IP6K2: variants seen among roughly 807,000 people sequenced by gnomAD.
IP6K2 encodes the protein inositol hexakisphosphate kinase 2.
In IP6K2, 9 loss-of-function variants were observed where a neutral mutation model predicts 43.3. The observed-to-expected ratio is 0.21, with a 90% CI of 0.13 to 0.36. The LOEUF (loss-of-function observed/expected upper bound fraction) is 0.36, where lower values mean the gene tolerates loss of function less well. IP6K2 is among the 10% of genes least tolerant of loss of function. IP6K2 has a pLI of 1.00. For missense variants in IP6K2, 332 were observed against 538.4 expected (o/e 0.62, Z 3.79); for synonymous variants, 209 against 202.4 (o/e 1.03, Z -0.28).
At chr3:48,706,151 G>A (rs2079752073) in intron 1 of IP6K2, among the ~76,000 whole-genome samples, 1 of 152,006 alleles carries the variant, frequency 6.6e-6, no homozygotes. Flanking sequence ...AGGTTGCAGT[G>A]AGCCGAGACT....
chr3:48,714,327 G>A (rs776889919), intron 1 of IP6K2, among the ~76,000 whole-genome samples: 23 of 151,616 alleles, frequency 1.5e-4, no homozygotes, highest in Non-Finnish European at 3.1e-4. Flanking sequence ...TCGGCCTCCC[G>A]AAGCGTTGGT....
Position 48,695,037 on chromosome 3 carries a change from A to ATCTCTCACATCTCC in IP6K2, c.202+39_202+52dup. 6.2e-7 allele frequency: 1 copy of ATCTCTCACATCTCC among 1,614,106 alleles called. No individual in the cohort carries two copies. Among genetic ancestry groups the ATCTCTCACATCTCC allele is most frequent in the Non-Finnish European group, 8.5e-7 (1 of 1,179,982 alleles). Reference sequence around the variant, plus strand: ...GCTGCCAGGGCCTTCCATGGCCACGATCTCTCACATCTCCTCGCCAGTGTG... The same window carrying ATCTCTCACATCTCC: ...GCTGCCAGGGCCTTCCATGGCCACGATCTCTCACATCTCCTCTCTCACATCTCCTCGCCAGTGTG... On this transcript the variant is annotated intron_variant, in intron 2 of 5. Transcript: ENST00000328631. The surrounding 1 kb of genome is among the most constrained non-coding windows in gnomAD (Gnocchi z 4.6).
intron 1 of IP6K2, among the ~76,000 whole-genome samples, chr3:48,712,394 C>T (rs956995228): frequency 6.6e-6 from 1 of 151,768 alleles, no homozygotes; most frequent in Non-Finnish European, 1.5e-5. Context: ...AGGCACCCAC[C>T]ACCACACCCG....
chr3:48,700,920 C>T (rs1041061339), intron 1 of IP6K2, among the ~76,000 whole-genome samples: 5 of 152,200 alleles, frequency 3.3e-5, no homozygotes, highest in Non-Finnish European at 4.4e-5. Context: ...GCCTGGTACA[C>T]ATTCATATAC....
At position 48,693,132 on chromosome 3, in the gene IP6K2, G is replaced by C. The variant is rs1575605370; in HGVS notation, c.250C>G (p.Leu84Val). The change falls in exon 3 of 6, where the codon CTA becomes GTA. Residue 84 changes from leucine (L) to valine (V), a missense_variant. By Grantham distance (32) the Leu-to-Val change is conservative. Transcript: ENST00000328631. ...FEEDEDRNLC[L>V]IAYPLKGDHG... ...TCCCCTTTCAATGGATATGCTATTAGACACAAGTTCCTGTCTTCATCTTCT... is the reference window on the plus strand; with the variant it reads ...TCCCCTTTCAATGGATATGCTATTACACACAAGTTCCTGTCTTCATCTTCT... 1 of 1,614,190 alleles carries C rather than the reference G, an allele frequency of 6.2e-7. No homozygotes were observed. Among genetic ancestry groups the C allele is most frequent in the South Asian group, 1.1e-5 (1 of 91,078 alleles).
chr3:48,694,138 G>A, intron 2 of IP6K2: 1 of 1,534,516 alleles, frequency 6.5e-7, no homozygotes, highest in Non-Finnish European at 8.8e-7. Context: ...AGAGGAGCCG[G>A]GGTGGGGTAT....
chr3:48,702,891 T>C (rs925405333), intron 1 of IP6K2, among the ~76,000 whole-genome samples: 1 of 152,124 alleles, frequency 6.6e-6, no homozygotes, highest in Non-Finnish European at 1.5e-5. Flanking sequence ...CTCAAATCAC[T>C]ACTGTGTCAT....
In IP6K2 at chr3:48,704,934, G is replaced by A. The variant is rs540856320; in HGVS notation, c.-130-9513C>T. 3.2e-4 allele frequency among the ~76,000 whole-genome samples: 48 copies of A among 151,620 alleles called. 1 individual carries two copies. Among genetic ancestry groups the A allele is most frequent in the African/African-American group, 9.9e-4 (41 of 41,368 alleles). On this transcript the variant is annotated intron_variant, in intron 1 of 5. Transcript: ENST00000328631. ...ATTACAAGCACGCGCCACTGTGCCC[G>A]GCTAATTTTTCTAATTTTTTTTTTT...
intron 1 of IP6K2, chr3:48,715,177 T>C (rs2081052440): frequency 1.1e-6 from 1 of 921,612 alleles, no homozygotes; most frequent in Non-Finnish European, 1.7e-6. Flanking sequence ...AGAATAATCA[T>C]CTGCTTACTT....
intron 1 of IP6K2, among the ~76,000 whole-genome samples, chr3:48,704,025 G>A (rs547187910): frequency 3.3e-5 from 5 of 152,272 alleles, no homozygotes; most frequent in African/African-American, 1.2e-4. Context: ...CCAGGAGGCA[G>A]AGGCTGCAGT....
At chr3:48,696,569 T>C (rs4858830) in intron 1 of IP6K2, among the ~76,000 whole-genome samples, 122,581 of 152,176 alleles carry the variant, frequency 0.81, 49,630 homozygotes, top group East Asian at 1. Context: ...AAGCACATTT[T>C]TGGATGCACC....
At chr3:48,692,090 C>G (rs2077851993) in intron 3 of IP6K2, among the ~76,000 whole-genome samples, 1 of 152,094 alleles carries the variant, frequency 6.6e-6, no homozygotes, top group African/African-American at 2.4e-5. Flanking sequence ...GCCCTGGCGT[C>G]CTGAAGTGCT....
chr3:48,694,854 CA>C, intron 2 of IP6K2: 3 of 1,537,288 alleles, frequency 2.0e-6, no homozygotes, highest in South Asian at 2.4e-5. Context: ...ACACTTCTAC[CA>C]AAATCAAACT....
chr3:48,701,095 C>T (rs926851162), intron 1 of IP6K2, among the ~76,000 whole-genome samples: 2 of 152,170 alleles, frequency 1.3e-5, no homozygotes, highest in East Asian at 1.9e-4. Flanking sequence ...CGTGGCTGGG[C>T]GCGGTGGCTC....
Position 48,688,838 on chromosome 3 carries a change from G to A in IP6K2, c.781-65C>T. 6.6e-7 allele frequency: 1 copy of A among 1,526,562 alleles called. No individual in the cohort carries two copies. The highest frequency in any genetic ancestry group is 8.8e-7 in the Non-Finnish European group (1 of 1,137,356). 94.6% of individuals were successfully genotyped at this position (1,526,562 alleles called of 1,614,324 possible). A position where few individuals can be genotyped will look rare whatever the true frequency, so the allele number is the denominator to read the frequency against. ...TCTCAAACCCTGGACCCCGGGCGGG[G>A]GTGGGGTGGTGTGGTGGTGGCGGCA... On this transcript the variant is annotated intron_variant, in intron 5 of 5. Coordinates refer to ENST00000328631, the MANE Select transcript of IP6K2 (RefSeq NM_016291.4). This position sits in a 1 kb window ranked among gnomAD's most constrained non-coding sequence, Gnocchi z 5.1.
chr3:48,701,222 T>C (rs1575668772), intron 1 of IP6K2, among the ~76,000 whole-genome samples: 1 of 151,658 alleles, frequency 6.6e-6, no homozygotes, highest in Non-Finnish European at 1.5e-5. Flanking sequence ...ATACAAAAAA[T>C]TACAGGCCAC....
At chr3:48,696,015 A>C (rs1285764518) in intron 1 of IP6K2, among the ~76,000 whole-genome samples, 1 of 151,494 alleles carries the variant, frequency 6.6e-6, no homozygotes, top group Non-Finnish European at 1.5e-5. Context: ...CCTCCCGAGT[A>C]GCTGGGATTA....
chr3:48,715,561 T>TA (rs2081094953), intron 1 of IP6K2: 1 of 1,173,306 alleles, frequency 8.5e-7, no homozygotes, highest in Non-Finnish European at 1.2e-6. Flanking sequence ...TTATATCTGT[T>TA]ACACTGATTT....
At chr3:48,706,482 C>A (rs1228779218) in intron 1 of IP6K2, among the ~76,000 whole-genome samples, 3 of 152,076 alleles carry the variant, frequency 2.0e-5, no homozygotes, top group Non-Finnish European at 4.4e-5. Flanking sequence ...AAGATAGGAT[C>A]AATTACCCTT....
Sources: allele counts gnomAD v4.1 joint callset (sites outside exome capture counted in the v4.1 genomes callset), GRCh38; gene constraint gnomAD v4.1.1; non-coding constraint Gnocchi (gnomAD v3.1); transcripts MANE v1.5; gene names NCBI Gene and HGNC (gene_info 2026-07-23, HGNC 2026-07-21).